TBCD: variants seen among roughly 807,000 people sequenced by gnomAD.
TBCD encodes tubulin folding cofactor D, also known as tubulin-specific chaperone D.
A neutral mutation model predicts 169.3 loss-of-function variants in TBCD; 105 were observed. The ratio of observed to expected loss-of-function variants is 0.62; its 90% CI spans 0.53 to 0.73. TBCD has a LOEUF of 0.73. Among genes scored for constraint, TBCD ranks in the 30% least tolerant of loss-of-function variants. The pLI is 0.00. For synonymous variants in TBCD, 700 were observed against 643.9 expected, an observed-to-expected ratio of 1.09 and a Z score of -1.32; for missense variants, 1,444 against 1,600.1, an observed-to-expected ratio of 0.90 and a Z score of 1.66.
rs869120923 is a variant in TBCD at position 82,922,385 on chromosome 17, CA to C, written c.2178+816del. 2.2e-5 allele frequency among the ~76,000 whole-genome samples: 3 copies of C among 133,498 alleles called. No individual in the cohort carries two copies. The highest frequency in any genetic ancestry group is 4.6e-4 in the South Asian group (2 of 4,358). 87.6% of individuals were successfully genotyped at this position (133,498 alleles called of 152,430 possible). A position where few individuals can be genotyped will look rare whatever the true frequency, so the allele number is the denominator to read the frequency against. On this transcript the variant is annotated intron_variant, in intron 25 of 38. Transcript: ENST00000355528. The surrounding 1 kb of genome is among the most constrained non-coding windows in gnomAD (Gnocchi z 4.1). The stretch of plus-strand genomic sequence containing the variant: ...TCAAAAACAAAAACAAAAACAAAAA[CA>C]AAAAAAACCATGGTTACCAACGTTG...
At chr17:82,812,025 C>T (rs1410700766) in intron 12 of TBCD, among the ~76,000 whole-genome samples, 2 of 152,162 alleles carry the variant, frequency 1.3e-5, no homozygotes, top group African/African-American at 4.8e-5. Flanking sequence ...GGCTGTCCCC[C>T]AAGCGTGCAC....
intron 13 of TBCD, among the ~76,000 whole-genome samples, chr17:82,843,302 T>A (rs1156556499): frequency 8.5e-6 from 1 of 117,538 alleles, no homozygotes; most frequent in Admixed American, 9.4e-5. Flanking sequence ...TCCAGCTTAC[T>A]TACCCTTCCC....
In TBCD at chr17:82,932,245, A is replaced by G. The variant is rs77442306; in HGVS notation, c.3114-413A>G. On this transcript the variant is annotated intron_variant, in intron 33 of 38. Coordinates refer to ENST00000355528, the MANE Select transcript of TBCD (RefSeq NM_005993.5). ...GTATTTAGACCTGGGACGCGTCTTG[A>G]GTGAGGTTTCTTACATGGTATAGCG... 308 of 302,516 alleles carry G rather than the reference A, an allele frequency of 1.0e-3. 2 individuals carry two copies. The highest frequency in any genetic ancestry group is 5.9e-3 in the African/African-American group (267 of 44,960). The allele number at this position is 302,516 out of a possible 1,614,324, so 18.7% of individuals were successfully genotyped here.
chr17:82,849,479 G>T (rs563755695), intron 13 of TBCD, among the ~76,000 whole-genome samples: 1 of 152,112 alleles, frequency 6.6e-6, no homozygotes, highest in Non-Finnish European at 1.5e-5. Flanking sequence ...TTGTTTCCTC[G>T]CTGTGGTTTT....
chr17:82,840,415 T>G (rs1375387715), intron 13 of TBCD: 1 of 152,288 alleles, frequency 6.6e-6, no homozygotes, highest in Non-Finnish European at 1.5e-5. Context: ...CTTGGATTGA[T>G]TCTCAAGCGC....
chr17:82,869,144 G>C (rs2057387216), intron 13 of TBCD, among the ~76,000 whole-genome samples: 1 of 152,198 alleles, frequency 6.6e-6, no homozygotes, highest in South Asian at 2.1e-4. Flanking sequence ...TCCATTGCTG[G>C]CTTCATAGCT....
intron 34 of TBCD, among the ~76,000 whole-genome samples, chr17:82,936,047 C>T (rs1280495654): frequency 6.6e-6 from 1 of 152,216 alleles, no homozygotes; most frequent in Non-Finnish European, 1.5e-5. Flanking sequence ...TGAGTGTTAC[C>T]TCTGAGTCTG....
chr17:82,905,311 G>A (rs936355484), intron 19 of TBCD, among the ~76,000 whole-genome samples: 10 of 152,228 alleles, frequency 6.6e-5, no homozygotes, highest in African/African-American at 1.7e-4. Context: ...TACCCACCCC[G>A]TCTGGGGCAC....
At chr17:82,765,897 C>G (rs1034550650) in intron 3 of TBCD, among the ~76,000 whole-genome samples, 4 of 152,106 alleles carry the variant, frequency 2.6e-5, no homozygotes, top group East Asian at 3.8e-4. Context: ...CTCACTGCAG[C>G]CTCGAACTCT....
chr17:82,942,059 A>G (rs2063347292), intron 38 of TBCD: 5 of 340,314 alleles, frequency 1.5e-5, no homozygotes, highest in South Asian at 1.2e-4. Context: ...GTCTAGATAC[A>G]TGGGGGCAGT....
intron 36 of TBCD, 167 bp from the exon 37 acceptor site, chr17:82,939,200 G>C (rs905626697): frequency 1.2e-4 from 79 of 650,536 alleles, no homozygotes; most frequent in Middle Eastern, 7.8e-4. Flanking sequence ...GGCCTGGAAG[G>C]CACCTCCTCT....
intron 6 of TBCD, among the ~76,000 whole-genome samples, chr17:82,774,096 G>GGC (rs2048441803): frequency 6.7e-6 from 1 of 149,934 alleles, no homozygotes; most frequent in African/African-American, 2.5e-5. Context: ...GTGTTTCTCA[G>GGC]AGAGGGGGAT....
intron 13 of TBCD, among the ~76,000 whole-genome samples, chr17:82,860,804 C>T (rs931237610): frequency 1.1e-4 from 16 of 152,170 alleles, no homozygotes; most frequent in African/African-American, 3.4e-4. Flanking sequence ...CCATTTGTCC[C>T]GAGCGGAGGG....
At chr17:82,777,814 G>A (rs2048694573) in intron 6 of TBCD, among the ~76,000 whole-genome samples, 1 of 151,028 alleles carries the variant, frequency 6.6e-6, no homozygotes, top group South Asian at 2.1e-4. Context: ...ACAGGAGGTG[G>A]AGGAGTAGAG....
chr17:82,790,212 C>T (rs868287868), intron 7 of TBCD, among the ~76,000 whole-genome samples: 1 of 152,158 alleles, frequency 6.6e-6, no homozygotes, highest in African/African-American at 2.4e-5. Context: ...ACTACCCTCC[C>T]GCCTCTCCTG....
chr17:82,899,086 C>T lies in TBCD; in HGVS notation c.1650-1565C>T, dbSNP rs146065940. Among the ~76,000 whole-genome samples, 22 of 152,402 alleles carry T rather than the reference C, an allele frequency of 1.4e-4. No individual in the cohort carries two copies. The East Asian group carries it at 3.5e-3, about 24-fold the overall frequency. ...CCTGTGTGTCAGGTTCTTTGCTCAGCGTAGTGCGCCTGGGGACCGTCCGCA... is the reference window on the plus strand; with the variant it reads ...CCTGTGTGTCAGGTTCTTTGCTCAGTGTAGTGCGCCTGGGGACCGTCCGCA... On this transcript the variant is annotated intron_variant, in intron 17 of 38. Transcript: ENST00000355528.
chr17:82,926,240 G>T (rs527519367), intron 27 of TBCD, among the ~76,000 whole-genome samples, 160 bp from the exon 28 acceptor site: 10 of 150,294 alleles, frequency 6.7e-5, no homozygotes, highest in African/African-American at 2.2e-4. Context: ...GTCCTTCCTG[G>T]GTTGTACCAG....
chr17:82,915,724 G>A lies in TBCD; in HGVS notation c.2038+3935G>A, dbSNP rs2060981527. Among the ~76,000 whole-genome samples the A allele has an allele frequency of 6.6e-6, 1 of 152,186 alleles. No homozygotes were observed. The highest frequency in any genetic ancestry group is 1.5e-5 in the Non-Finnish European group (1 of 68,034). ...GAGGAAGGGGGTCATCTGGCTCACA[G>A]CCTTGCACCAGAGGCGTCACGAGAA... On this transcript the variant is annotated intron_variant, in intron 23 of 38. Transcript: ENST00000355528. The surrounding 1 kb of genome is among the most constrained non-coding windows in gnomAD (Gnocchi z 4.3).
At chr17:82,926,582 C>A in intron 28 of TBCD, 91 bp downstream of exon 28, 1 of 1,059,944 alleles carries the variant, frequency 9.4e-7, no homozygotes, top group Non-Finnish European at 1.4e-6. Context: ...AGAGGCAGGA[C>A]TTATGATTCT....
Sources: gnomAD v4.1 joint callset for allele counts (sites outside exome capture counted in the v4.1 genomes callset) on GRCh38, gnomAD v4.1.1 for gene constraint, Gnocchi (gnomAD v3.1) non-coding constraint, MANE v1.5 for transcripts, NCBI Gene and HGNC (gene_info 2026-07-23, HGNC 2026-07-21) for gene names.